LIN28B: variants seen among roughly 807,000 people sequenced by gnomAD.
The protein encoded by LIN28B is protein lin-28 homolog B.
LIN28B carries 5 observed loss-of-function variants against 21.9 expected under a neutral mutation model. The observed-to-expected ratio is 0.23, with a 90% CI of 0.12 to 0.48. The LOEUF (loss-of-function observed/expected upper bound fraction) is 0.48. Ranked by LOEUF, LIN28B falls within the 20% of genes least tolerant of loss-of-function variation. The pLI is 0.98. For missense variants in LIN28B, 245 were observed against 310.5 expected (o/e 0.79, Z 1.58); for synonymous variants, 109 against 111.3 (o/e 0.98, Z 0.13).
At chr6:104,948,338 A>G (rs987287930) in intron 2 of LIN28B, among the ~76,000 whole-genome samples, 3 of 152,226 alleles carry the variant, frequency 2.0e-5, no homozygotes, top group East Asian at 3.9e-4. Flanking sequence ...ATGGTCGCAC[A>G]TGCCTGTAAT....
chr6:105,034,191 T>A (rs1353818697), intron 3 of LIN28B, among the ~76,000 whole-genome samples: 3 of 151,928 alleles, frequency 2.0e-5, no homozygotes, highest in Non-Finnish European at 2.9e-5. Context: ...TTCCGATTTT[T>A]TTAGAGTAGT....
rs1582899479 is a variant in LIN28B at position 105,020,153 on chromosome 6, G to T, written c.199-6145G>T. Among the ~76,000 whole-genome samples, 9 of 104,436 alleles carry T rather than the reference G, an allele frequency of 8.6e-5. No individual in the cohort carries two copies. In the South Asian group the frequency reaches 2.7e-3, roughly 31 times the overall value. The allele number at this position is 104,436 out of a possible 152,430, so 68.5% of individuals were successfully genotyped here. A position where few individuals can be genotyped will look rare whatever the true frequency, so the allele number is the denominator to read the frequency against. On this transcript the variant is annotated intron_variant, in intron 2 of 3. Transcript: ENST00000345080. Reference sequence around the variant, plus strand: ...TTTTGAGAATGGGTCTTGCTCTGTTGCCCAGGTTGGAGTGCAGTGGCGTAA... The same window carrying T: ...TTTTGAGAATGGGTCTTGCTCTGTTTCCCAGGTTGGAGTGCAGTGGCGTAA...
chr6:105,076,944 A>G (rs1483013124), intron 3 of LIN28B, among the ~76,000 whole-genome samples: 2 of 151,676 alleles, frequency 1.3e-5, no homozygotes, highest in East Asian at 2.0e-4. Flanking sequence ...AAACATTATA[A>G]CCTGGCTGGG....
At chr6:105,053,795 C>T (rs1771965971) in intron 3 of LIN28B, among the ~76,000 whole-genome samples, 1 of 151,624 alleles carries the variant, frequency 6.6e-6, no homozygotes, top group Non-Finnish European at 1.5e-5. Flanking sequence ...TGCAATGGCA[C>T]AATCTCAGCT....
chr6:104,973,010 C>T (rs1258348383), intron 2 of LIN28B, among the ~76,000 whole-genome samples: 1 of 151,716 alleles, frequency 6.6e-6, no homozygotes, highest in Non-Finnish European at 1.5e-5. Flanking sequence ...GTTCGTGAGG[C>T]TGAGGTGTGA....
intron 2 of LIN28B, among the ~76,000 whole-genome samples, chr6:105,000,501 G>A (rs1024419300): frequency 3.3e-5 from 5 of 152,066 alleles, no homozygotes; most frequent in African/African-American, 1.2e-4. Flanking sequence ...ACATTTCCAT[G>A]CAAAATTCTA....
At chr6:105,014,720 T>C (rs1770993891) in intron 2 of LIN28B, among the ~76,000 whole-genome samples, 1 of 152,162 alleles carries the variant, frequency 6.6e-6, no homozygotes, top group Non-Finnish European at 1.5e-5. Flanking sequence ...TCCCAGAGTG[T>C]TGGATTACAG....
chr6:105,009,904 T>C (rs975427845), intron 2 of LIN28B, among the ~76,000 whole-genome samples: 2 of 152,198 alleles, frequency 1.3e-5, no homozygotes, highest in African/African-American at 4.8e-5. Flanking sequence ...AAAGTTCTTA[T>C]ACTCATTTAT....
intron 2 of LIN28B, among the ~76,000 whole-genome samples, chr6:104,977,861 C>T (rs1770133662): frequency 6.6e-6 from 1 of 151,960 alleles, no homozygotes; most frequent in Non-Finnish European, 1.5e-5. Context: ...CCACCGCACC[C>T]GACCAGGTGT....
chr6:105,001,921 A>T (rs1439646625), intron 2 of LIN28B, among the ~76,000 whole-genome samples: 1 of 152,210 alleles, frequency 6.6e-6, no homozygotes, highest in Non-Finnish European at 1.5e-5. Flanking sequence ...AGCACAATTA[A>T]TGCAGCCCTT....
At chr6:105,015,770 G>T (rs761834549) in intron 2 of LIN28B, among the ~76,000 whole-genome samples, 14 of 152,112 alleles carry the variant, frequency 9.2e-5, no homozygotes, top group Admixed American at 2.0e-4. Context: ...TCTTGTAGAG[G>T]CAATACCATG....
At chr6:104,961,285 AATTTTGATG>A (rs1260521859) in intron 2 of LIN28B, among the ~76,000 whole-genome samples, 1 of 152,196 alleles carries the variant, frequency 6.6e-6, no homozygotes, top group African/African-American at 2.4e-5. Context: ...AAAATAGGAC[AATTTTGATG>A]ATTTTATTTT....
At chr6:105,040,093 A>G (rs2114363990) in intron 3 of LIN28B, among the ~76,000 whole-genome samples, 1 of 152,242 alleles carries the variant, frequency 6.6e-6, no homozygotes, top group East Asian at 1.9e-4. Context: ...GATGGCTGCT[A>G]AATTATTATA....
chr6:105,027,067 G>A (rs999032014), intron 3 of LIN28B, among the ~76,000 whole-genome samples: 1 of 152,014 alleles, frequency 6.6e-6, no homozygotes, highest in Non-Finnish European at 1.5e-5. Context: ...AGAATAATAT[G>A]TTAGTGGATA....
intron 2 of LIN28B, among the ~76,000 whole-genome samples, chr6:105,006,737 C>T (rs1770823521): frequency 1.3e-5 from 2 of 152,202 alleles, no homozygotes; most frequent in African/African-American, 4.8e-5. Context: ...CCTCTCACTT[C>T]AGGACCCAGA....
At chr6:105,053,412 T>TGTGTGTGC (rs1554190400) in intron 3 of LIN28B, among the ~76,000 whole-genome samples, 136 of 151,208 alleles carry the variant, frequency 9.0e-4, no homozygotes, top group African/African-American at 3.0e-3. Context: ...TGTGTGTGTG[T>TGTGTGTGC]GCACGTGCTC....
intron 2 of LIN28B, among the ~76,000 whole-genome samples, chr6:105,007,578 G>A (rs1024681525): frequency 8.0e-5 from 12 of 149,226 alleles, no homozygotes; most frequent in Admixed American, 6.7e-4. Flanking sequence ...AGGCTGGAGT[G>A]CAGTAATGTG....
chr6:104,965,525 A>G (rs1437148429), intron 2 of LIN28B, among the ~76,000 whole-genome samples: 1 of 152,124 alleles, frequency 6.6e-6, no homozygotes, highest in African/African-American at 2.4e-5. Context: ...GGTCTCTAAA[A>G]TTATTATTTT....
Position 105,078,851 on chromosome 6 carries a change from C to T in LIN28B, c.*68C>T. ...TCTACCTCATGCAAGTATAGGGGAA[C>T]AGTATTTCACAAGCAGTAGCTGACC... On this transcript the variant is annotated 3_prime_UTR_variant, in exon 4 of 4. Transcript: ENST00000345080. 2 of 1,510,422 alleles carry T rather than the reference C, an allele frequency of 1.3e-6. No individual in the cohort carries two copies. Among genetic ancestry groups the T allele is most frequent in the Admixed American group, 2.1e-5 (1 of 47,448 alleles). 93.6% of individuals were successfully genotyped at this position (1,510,422 alleles called of 1,614,324 possible). A position where few individuals can be genotyped will look rare whatever the true frequency, so the allele number is the denominator to read the frequency against.
Sources: allele counts gnomAD v4.1 joint callset (sites outside exome capture counted in the v4.1 genomes callset), GRCh38; gene constraint gnomAD v4.1.1; transcripts MANE v1.5; gene names NCBI Gene and HGNC (gene_info 2026-07-23, HGNC 2026-07-21).